Variants in RTF1 observed in about 807,000 individuals in gnomAD.
The protein encoded by RTF1 is RNA polymerase-associated protein RTF1 homolog.
Under a neutral mutation model 95.7 loss-of-function variants are expected in RTF1, and 10 were observed. The observed-to-expected ratio is 0.10, with a 90% confidence interval of 0.06 to 0.18. RTF1 has a LOEUF of 0.18. Among genes scored for constraint, RTF1 ranks in the 10% least tolerant of loss-of-function variants. The pLI is 1.00. For missense variants in RTF1, 458 were observed against 875.6 expected (o/e 0.52, Z 6.02); for synonymous variants, 305 against 311.8 (o/e 0.98, Z 0.23).
At chr15:41,455,085 G>T (rs1172468537) in intron 3 of RTF1, among the ~76,000 whole-genome samples, 8 of 152,036 alleles carry the variant, frequency 5.3e-5, no homozygotes, top group Admixed American at 1.3e-4. Context: ...GGAGGCCAAG[G>T]CAGGCGGATC....
rs992177827 is a variant in RTF1 at position 41,480,905 on chromosome 15, G to T, written c.*218G>T. On this transcript the variant is annotated 3_prime_UTR_variant, in exon 18 of 18. Coordinates refer to ENST00000389629, the MANE Select transcript of RTF1 (RefSeq NM_015138.5). ...CTCCCCTCCCCCAGGGCCCCACCCA[G>T]TGTGGGCCTGGGCTCTCTTGGGCTT... The T allele has an allele frequency of 1.4e-5, 8 of 567,522 alleles. No homozygotes were observed. Among genetic ancestry groups the T allele is most frequent in the Non-Finnish European group, 2.2e-5 (7 of 317,274 alleles). 35.2% of individuals were successfully genotyped at this position (567,522 alleles called of 1,614,324 possible).
chr15:41,435,118 T>C (rs2140950049), intron 1 of RTF1, among the ~76,000 whole-genome samples: 1 of 152,276 alleles, frequency 6.6e-6, no homozygotes, highest in Admixed American at 6.5e-5. Flanking sequence ...ATGTCTGCTG[T>C]GTTTTGATTA....
At chr15:41,437,785 G>A (rs2050712474) in intron 1 of RTF1, among the ~76,000 whole-genome samples, 1 of 152,158 alleles carries the variant, frequency 6.6e-6, no homozygotes. Flanking sequence ...TTAGGATTCT[G>A]GTGTAGTGGC....
intron 1 of RTF1, among the ~76,000 whole-genome samples, chr15:41,423,744 A>T (rs570109615): frequency 1.3e-4 from 19 of 151,830 alleles, no homozygotes; most frequent in African/African-American, 4.6e-4. Flanking sequence ...TGGTGTATTT[A>T]TTTTTATTTA....
At chr15:41,447,387 G>A (rs1490495563) in intron 2 of RTF1, among the ~76,000 whole-genome samples, 1 of 152,078 alleles carries the variant, frequency 6.6e-6, no homozygotes, top group Non-Finnish European at 1.5e-5. Flanking sequence ...TGCCCAGAAG[G>A]ATAGCTGCTT....
intron 3 of RTF1, among the ~76,000 whole-genome samples, chr15:41,457,410 G>A (rs570646759): frequency 6.6e-6 from 1 of 152,200 alleles, no homozygotes; most frequent in South Asian, 2.1e-4. Context: ...GCACACATCT[G>A]TAATCCCTGC....
chr15:41,425,046 G>A (rs1159171547), intron 1 of RTF1, among the ~76,000 whole-genome samples: 2 of 152,110 alleles, frequency 1.3e-5, no homozygotes, highest in East Asian at 3.9e-4. Flanking sequence ...AGCCACTGGA[G>A]GGCGTCAGCC....
intron 1 of RTF1, among the ~76,000 whole-genome samples, chr15:41,426,777 ATATATG>A (rs1437732350): frequency 2.1e-4 from 10 of 47,216 alleles, no homozygotes; most frequent in Non-Finnish European, 2.7e-4. Flanking sequence ...GCCGCTACAT[ATATATG>A]TGTGTGTGTG....
rs551434883 is a variant in RTF1, at chr15:41,441,606, T to G, written c.309+3175T>G. On this transcript the variant is annotated intron_variant, in intron 2 of 17. Coordinates refer to ENST00000389629, the MANE Select transcript of RTF1 (RefSeq NM_015138.5). Reference sequence around the variant, plus strand: ...TCCACATCCATAAAATTCTTCATGGTTTAGGGTTCCCTTTGTTACTTGCAG... The same window carrying G: ...TCCACATCCATAAAATTCTTCATGGGTTAGGGTTCCCTTTGTTACTTGCAG... Among the ~76,000 whole-genome samples, 46 of 152,294 alleles carry G rather than the reference T, an allele frequency of 3.0e-4. 1 individual carries two copies. The South Asian group carries it at 9.5e-3, about 32-fold the overall frequency.
At chr15:41,448,405 G>A (rs906615320) in intron 2 of RTF1, among the ~76,000 whole-genome samples, 3 of 152,012 alleles carry the variant, frequency 2.0e-5, no homozygotes, top group Non-Finnish European at 2.9e-5. Context: ...GGTGATTAAC[G>A]CCTGTAATCT....
chr15:41,477,666 T>C, intron 14 of RTF1, 151 bp downstream of exon 14: 1 of 678,256 alleles, frequency 1.5e-6, no homozygotes, highest in East Asian at 2.7e-5. Context: ...CGTACATCGA[T>C]ATAATTTATT....
intron 14 of RTF1, 123 bp from the exon 15 acceptor site, chr15:41,478,425 A>C: frequency 1.4e-6 from 1 of 711,926 alleles, no homozygotes; most frequent in Non-Finnish European, 2.4e-6. Flanking sequence ...AAAAAAAAAA[A>C]GGAAAAGGAT....
Position 41,475,645 on chromosome 15 carries a change from G to A in RTF1, c.1374+33G>A, listed in dbSNP as rs747269033. ...GCTAGAGATTACCTAGCAGTTGTTC[G>A]TGCACGTTGAGAAAATATCTTTCCA... On this transcript the variant is annotated intron_variant, in intron 10 of 17. Transcript: ENST00000389629. 46 of 1,603,494 alleles carry A rather than the reference G, an allele frequency of 2.9e-5. No homozygotes were observed. The Admixed American group carries it at 4.8e-4, about 17-fold the overall frequency.
At chr15:41,442,994 C>T (rs930594010) in intron 2 of RTF1, among the ~76,000 whole-genome samples, 2 of 152,100 alleles carry the variant, frequency 1.3e-5, no homozygotes, top group African/African-American at 2.4e-5. Flanking sequence ...TCTCTCATAC[C>T]GTTTCTTTTC....
intron 1 of RTF1, among the ~76,000 whole-genome samples, chr15:41,433,692 C>T (rs1462454116): frequency 3.9e-5 from 6 of 152,010 alleles, no homozygotes; most frequent in African/African-American, 7.2e-5. Context: ...AGACCATAAA[C>T]GTATTACTAT....
intron 2 of RTF1, among the ~76,000 whole-genome samples, chr15:41,446,278 TTC>T (rs1237224280): frequency 6.6e-6 from 1 of 152,048 alleles, no homozygotes; most frequent in African/African-American, 2.4e-5. Flanking sequence ...CTCACAGAAA[TTC>T]TCATTTTTGG....
In RTF1 at chr15:41,467,358, G is replaced by A. The variant is rs546979921; in HGVS notation, c.889+1106G>A. Among the ~76,000 whole-genome samples the A allele has an allele frequency of 2.4e-4, 36 of 152,234 alleles. No individual in the cohort carries two copies. In the South Asian group the frequency reaches 5.6e-3, roughly 24 times the overall value. ...ATTGGCATAGTGTCACTATGGGGCC[G>A]GGAAGAATGACTAAGGCATATAGCA... is the stretch of plus-strand genomic sequence containing the variant. On this transcript the variant is annotated intron_variant, in intron 6 of 17. Transcript: ENST00000389629.
intron 14 of RTF1, among the ~76,000 whole-genome samples, chr15:41,477,892 G>A (rs532838131): frequency 6.6e-6 from 1 of 151,936 alleles, no homozygotes; most frequent in South Asian, 2.1e-4. Context: ...GATCACCTGG[G>A]GTCAGGAGTT....
intron 8 of RTF1, among the ~76,000 whole-genome samples, chr15:41,472,000 G>A (rs2050914408): frequency 6.6e-6 from 1 of 151,932 alleles, no homozygotes; most frequent in African/African-American, 2.4e-5. Flanking sequence ...CCGGGTTCAA[G>A]TGATTCTCCC....
Sources: gnomAD v4.1 joint callset for allele counts (sites outside exome capture counted in the v4.1 genomes callset) on GRCh38, gnomAD v4.1.1 for gene constraint, MANE v1.5 for transcripts, NCBI Gene and HGNC (gene_info 2026-07-23, HGNC 2026-07-21) for gene names.